ZNF197: variants seen among roughly 807,000 people sequenced by gnomAD.
ZNF197 encodes the protein zinc finger protein 197.
A neutral mutation model predicts 27.4 loss-of-function variants in ZNF197; 14 were observed. The observed-to-expected ratio is 0.51, with a 90% CI of 0.34 to 0.80. ZNF197 has a LOEUF of 0.80. Ranked by LOEUF, ZNF197 falls within the 30% of genes least tolerant of loss-of-function variation. The probability of loss-of-function intolerance (pLI) is 0.02; values close to 1 mark genes in which losing one functional copy is unlikely to be tolerated. For missense variants in ZNF197, 1,090 were observed against 1,222.6 expected (o/e 0.89, Z 1.62); for synonymous variants, 415 against 420.0 (o/e 0.99, Z 0.15).
At chr3:44,634,431 T>C (rs1380512118) in intron 5 of ZNF197, among the ~76,000 whole-genome samples, 1 of 152,158 alleles carries the variant, frequency 6.6e-6, no homozygotes, top group Non-Finnish European at 1.5e-5. Flanking sequence ...CTCATAAAAT[T>C]ATTTTGTAAA....
chr3:44,625,136 A>C lies in ZNF197; in HGVS notation c.-89A>C, dbSNP rs539171177. The C allele has an allele frequency of 6.6e-6, 1 of 152,006 alleles. No homozygotes were observed. Among genetic ancestry groups the C allele is most frequent in the Non-Finnish European group, 1.5e-5 (1 of 68,012 alleles). The allele number at this position is 152,006 out of a possible 1,614,324, so 9.4% of individuals were successfully genotyped here. ...TACGCAAGGCTGGAGCCGCAGCGGGAGCCCCCGGTGAGCGGGGTGGGCTCG... is the reference window on the plus strand; with the variant it reads ...TACGCAAGGCTGGAGCCGCAGCGGGCGCCCCCGGTGAGCGGGGTGGGCTCG... On this transcript the variant is annotated 5_prime_UTR_variant, in exon 1 of 6. Transcript: ENST00000344387.
chr3:44,647,644 A>T lies in ZNF197; in HGVS notation c.*3424A>T, dbSNP rs758526729. The T allele has an allele frequency of 1.8e-4, 27 of 152,252 alleles. No homozygotes were observed. The highest frequency in any genetic ancestry group is 1.4e-3 in the Admixed American group (21 of 15,288). 9.4% of individuals were successfully genotyped at this position (152,252 alleles called of 1,614,324 possible). A position where few individuals can be genotyped will look rare whatever the true frequency, so the allele number is the denominator to read the frequency against. On this transcript the variant is annotated 3_prime_UTR_variant, in exon 6 of 6. Transcript: ENST00000344387. ...CAATAAAATTGACTTATTGATATCC[A>T]TAACAACTCAAATAAATTTCAAGGG... is the stretch of plus-strand genomic sequence containing the variant.
At position 44,646,793 on chromosome 3, in the gene ZNF197, A is replaced by G. The variant is rs1293830090; in HGVS notation, c.*2573A>G. The G allele has an allele frequency of 2.6e-6, 1 of 385,340 alleles. No homozygotes were observed. The highest frequency in any genetic ancestry group is 4.7e-6 in the Non-Finnish European group (1 of 212,864). The allele number at this position is 385,340 out of a possible 1,614,324, so 23.9% of individuals were successfully genotyped here. A position where few individuals can be genotyped will look rare whatever the true frequency, so the allele number is the denominator to read the frequency against. ...GTTAGGTACTAAGAACCAGAAATAG[A>G]CTCACATAAATGGCCAATTGATTTT... On this transcript the variant is annotated 3_prime_UTR_variant, in exon 6 of 6. Coordinates refer to ENST00000344387, the MANE Select transcript of ZNF197 (RefSeq NM_006991.5).
Position 44,643,711 on chromosome 3 carries a change from C to G in ZNF197, c.2581C>G (p.Leu861Val), listed in dbSNP as rs774168504. ...CGKGFTYNRN[L>V]IEHQRIHSGE... is the part of the protein sequence containing the mutation. Reference sequence around the variant, plus strand: ...AAAAGGTTTTACGTACAACAGAAACCTGATTGAACATCAAAGAATTCACAG... The same window carrying G: ...AAAAGGTTTTACGTACAACAGAAACGTGATTGAACATCAAAGAATTCACAG... The change falls in exon 6 of 6, where the codon CTG (leucine) becomes GTG (valine). Residue 861 changes from leucine (L) to valine (V), a missense_variant. Physicochemically the swap from Leu to Val is conservative, Grantham distance 32. Coordinates refer to ENST00000344387, the MANE Select transcript of ZNF197 (RefSeq NM_006991.5). 3 of 1,613,876 alleles carry G rather than the reference C, an allele frequency of 1.9e-6. No homozygotes were observed. The highest frequency in any genetic ancestry group is 1.3e-5 in the African/African-American group (1 of 74,914).
At position 44,643,741 on chromosome 3, in the gene ZNF197, G is replaced by GA. The variant is rs1702774049; in HGVS notation, c.2617dup (p.Thr873AsnfsTer8). On this transcript the variant is annotated frameshift_variant, in exon 6 of 6. Coordinates refer to ENST00000344387, the MANE Select transcript of ZNF197 (RefSeq NM_006991.5). LOFTEE classifies it low-confidence loss of function (END_TRUNC). ...TGAACATCAAAGAATTCACAGTGGA[G>GA]AAAAAACCTACGAATGTCATGTATG... The GA allele has an allele frequency of 5.6e-6, 9 of 1,613,748 alleles. No homozygotes were observed. Among genetic ancestry groups the GA allele is most frequent in the Admixed American group, 1.7e-5 (1 of 59,946 alleles).
intron 1 of ZNF197, among the ~76,000 whole-genome samples, chr3:44,627,096 T>C (rs1036048453): frequency 6.6e-6 from 1 of 151,944 alleles, no homozygotes; most frequent in Non-Finnish European, 1.5e-5. Flanking sequence ...AAAAGGGAAC[T>C]AGAAAACAAT....
In ZNF197 at chr3:44,642,803, G is replaced by C; in HGVS notation, c.1673G>C (p.Arg558Pro). Residue 558 changes from arginine (R) to proline (P), a missense_variant, in exon 6 of 6, where the codon CGA becomes CCA. Arg to Pro is a moderately radical substitution (Grantham distance 103). Coordinates refer to ENST00000344387, the MANE Select transcript of ZNF197 (RefSeq NM_006991.5). Reference sequence around the variant, plus strand: ...ACCACTTATCTTATTGACCATCAGCGACTCCACAGTGCAGAGAACCCTTAC... The same window carrying C: ...ACCACTTATCTTATTGACCATCAGCCACTCCACAGTGCAGAGAACCCTTAC... ...AQTTYLIDHQ[R>P]LHSAENPYKC... The C allele has an allele frequency of 6.2e-7, 1 of 1,613,564 alleles. No individual in the cohort carries two copies.
intron 3 of ZNF197, 72 bp from the exon 4 acceptor site, chr3:44,632,033 T>C (rs1240111565): frequency 2.0e-5 from 26 of 1,327,028 alleles, no homozygotes; most frequent in Non-Finnish European, 2.8e-5. Flanking sequence ...CTTTGTGTTA[T>C]TCCAGCTCTG....
intron 5 of ZNF197, among the ~76,000 whole-genome samples, chr3:44,636,008 A>G (rs541462832): frequency 6.6e-6 from 1 of 152,194 alleles, no homozygotes; most frequent in Non-Finnish European, 1.5e-5. Context: ...CACCACAATA[A>G]TTTTAAAACA....
At chr3:44,631,573 T>A (rs996571503) in intron 3 of ZNF197, among the ~76,000 whole-genome samples, 7 of 151,614 alleles carry the variant, frequency 4.6e-5, no homozygotes, top group African/African-American at 1.7e-4. Context: ...GCTAGTTTTT[T>A]AATTTTTTTT....
chr3:44,634,607 G>C (rs1035992976), intron 5 of ZNF197, among the ~76,000 whole-genome samples: 2 of 150,162 alleles, frequency 1.3e-5, no homozygotes, highest in Non-Finnish European at 3.0e-5. Flanking sequence ...GCACCACCAG[G>C]CCCAGCTAAT....
At chr3:44,638,020 G>T (rs1218685382) in intron 5 of ZNF197, among the ~76,000 whole-genome samples, 1 of 152,162 alleles carries the variant, frequency 6.6e-6, no homozygotes, top group Non-Finnish European at 1.5e-5. Context: ...AGTAGGGATT[G>T]CAATGAATCT....
At chr3:44,631,371 C>A in intron 3 of ZNF197, 150 bp downstream of exon 3, 2 of 983,710 alleles carry the variant, frequency 2.0e-6, no homozygotes, top group Non-Finnish European at 3.0e-6. Flanking sequence ...TTCTCTCCTT[C>A]TTTCTTGGGC....
chr3:44,643,943 CCTTTA>C lies in ZNF197; in HGVS notation c.2817_2821del (p.Thr940Ter). 6.2e-7 allele frequency: 1 copy of C among 1,614,038 alleles called. No individual in the cohort carries two copies. On this transcript the variant is annotated frameshift_variant, in exon 6 of 6. Coordinates refer to ENST00000344387, the MANE Select transcript of ZNF197 (RefSeq NM_006991.5). LOFTEE classifies it low-confidence loss of function (END_TRUNC). ...TATGAGTGTGACAAGTGTAGGAAAT[CCTTTA>C]CTTCTAAGAGGAATTTAGTTGGCCA...
At chr3:44,625,453 T>C (rs1701591000) in intron 1 of ZNF197, among the ~76,000 whole-genome samples, 1 of 152,160 alleles carries the variant, frequency 6.6e-6, no homozygotes, top group Non-Finnish European at 1.5e-5. Context: ...AGCTCAGGCC[T>C]TTCTGCTCTT....
intron 5 of ZNF197, among the ~76,000 whole-genome samples, chr3:44,635,152 G>C (rs1392742541): frequency 1.3e-5 from 2 of 148,418 alleles, no homozygotes; most frequent in African/African-American, 5.0e-5. Context: ...ATTCCAGATA[G>C]GTCTAAGAGT....
At chr3:44,626,840 T>C (rs920386038) in intron 1 of ZNF197, among the ~76,000 whole-genome samples, 2 of 152,332 alleles carry the variant, frequency 1.3e-5, no homozygotes, top group East Asian at 1.9e-4. Flanking sequence ...ATTTTTCTTA[T>C]ATATGCCTAC....
At chr3:44,632,235 G>A (rs773892325) in intron 4 of ZNF197, 39 bp downstream of exon 4, 161 of 1,605,094 alleles carry the variant, frequency 1.0e-4, no homozygotes, top group Middle Eastern at 4.9e-4. Flanking sequence ...TCTGCACAGC[G>A]TAACTGTGGC....
Position 44,646,640 on chromosome 3 carries a change from A to C in ZNF197, c.*2420A>C, listed in dbSNP as rs530400924. 1 of 704,770 alleles carries C rather than the reference A, an allele frequency of 1.4e-6. No individual in the cohort carries two copies. Among genetic ancestry groups the C allele is most frequent in the African/African-American group, 1.8e-5 (1 of 56,172 alleles). The allele number at this position is 704,770 out of a possible 1,614,324, so 43.7% of individuals were successfully genotyped here. ...AAGAGAGGGGAGTGAAAATTGTTCA[A>C]GCTGTCTTGAGTCTGCTGTGAGTTT... On this transcript the variant is annotated 3_prime_UTR_variant, in exon 6 of 6. Transcript: ENST00000344387.
Sources: gnomAD v4.1 joint callset for allele counts (sites outside exome capture counted in the v4.1 genomes callset) on GRCh38, gnomAD v4.1.1 for gene constraint, MANE v1.5 for transcripts, NCBI Gene and HGNC (gene_info 2026-07-23, HGNC 2026-07-21) for gene names.